Variants in LRP1B observed in about 807,000 individuals in gnomAD.
LRP1B encodes LDL receptor related protein 1B.
In LRP1B, 217 loss-of-function variants were observed where a neutral mutation model predicts 556.6. That is an observed-to-expected ratio of 0.39 (90% CI 0.35 to 0.44). The LOEUF (loss-of-function observed/expected upper bound fraction) is 0.44, where lower values mean the gene tolerates loss of function less well. Among genes scored for constraint, LRP1B ranks in the 20% least tolerant of loss-of-function variants. LRP1B has a pLI of 1.00. For missense variants in LRP1B, 5,053 were observed against 5,620.8 expected (o/e 0.90, Z 3.23); for synonymous variants, 2,047 against 1,865.8 (o/e 1.10, Z -2.50).
rs561566770 is a variant in LRP1B at position 141,792,878 on chromosome 2, A to T, written c.205+17401T>A. Among the ~76,000 whole-genome samples, 16 of 152,148 alleles carry T rather than the reference A, an allele frequency of 1.1e-4. No individual in the cohort carries two copies. In the South Asian group the frequency reaches 3.3e-3, roughly 32 times the overall value. ...AAATAGATCATCAATTATTCCAAAGATTAAGAAAAATATCTTGAAAAAGAA... is the reference window on the plus strand; with the variant it reads ...AAATAGATCATCAATTATTCCAAAGTTTAAGAAAAATATCTTGAAAAAGAA... On this transcript the variant is annotated intron_variant, in intron 2 of 90. Transcript: ENST00000389484.
rs1680112818 is a variant in LRP1B, at chr2:140,541,025, C to A, written c.7461G>T (p.Val2487=). The A allele has an allele frequency of 1.2e-6, 2 of 1,611,764 alleles. No homozygotes were observed. The highest frequency in any genetic ancestry group is 1.7e-6 in the Non-Finnish European group (2 of 1,178,482). Residue 2487 remains valine, a synonymous_variant, in exon 45 of 91, where the codon GTG becomes GTT. Transcript: ENST00000389484. ...TTCGGTCCCCTCTGCAGGAACAATT[C>A]ACTCTCCCATTGGGAGTTAAAAGGC... ...DLCLLTPNGR[V]NCSCRGDRIL... is the part of the protein sequence containing the mutation.
chr2:142,020,877 T>C (rs1703305988), intron 1 of LRP1B, among the ~76,000 whole-genome samples: 1 of 152,204 alleles, frequency 6.6e-6, no homozygotes, highest in Admixed American at 6.5e-5. Context: ...TCAATTTTAC[T>C]TTCTTGCTCT....
At chr2:140,528,686 T>C (rs1690547655) in intron 47 of LRP1B, among the ~76,000 whole-genome samples, 1 of 151,718 alleles carries the variant, frequency 6.6e-6, no homozygotes, top group East Asian at 1.9e-4. Context: ...TGATGAAAGT[T>C]GTTGCAGAGT....
chr2:141,392,182 C>A (rs887576001), intron 3 of LRP1B, among the ~76,000 whole-genome samples: 1 of 152,018 alleles, frequency 6.6e-6, no homozygotes, highest in African/African-American at 2.4e-5. Context: ...TTACTTATTT[C>A]ATTATGTTTA....
chr2:140,475,260 A>G lies in LRP1B; in HGVS notation c.9503T>C (p.Val3168Ala), dbSNP rs1448122091. The G allele has an allele frequency of 6.2e-7, 1 of 1,612,266 alleles. No individual in the cohort carries two copies. Among genetic ancestry groups the G allele is most frequent in the Non-Finnish European group, 8.5e-7 (1 of 1,178,886 alleles). ...AGGTCTAGAAATCTTGGTTTCTATG[A>G]CAACACTCTGATTGGTTCCATCCAT... ...VGMDGTNQSVVIETKISRPMA... is the reference protein window; with the variant it reads ...VGMDGTNQSVAIETKISRPMA... Residue 3168 changes from valine (V) to alanine (A), a missense_variant, in exon 60 of 91, where the codon GTC (valine) becomes GCC (alanine). By Grantham distance (64) the Val-to-Ala change is moderately conservative. Transcript: ENST00000389484.
intron 3 of LRP1B, among the ~76,000 whole-genome samples, chr2:141,263,974 G>T (rs1401508559): frequency 6.6e-6 from 1 of 152,098 alleles, no homozygotes; most frequent in Non-Finnish European, 1.5e-5. Context: ...TAGTAATAGA[G>T]GGGAATTTCT....
At chr2:141,300,589 A>T (rs1019508830) in intron 3 of LRP1B, among the ~76,000 whole-genome samples, 5 of 152,170 alleles carry the variant, frequency 3.3e-5, no homozygotes, top group Non-Finnish European at 7.4e-5. Flanking sequence ...GTGGTTTCTC[A>T]TGGTTTAACA....
At chr2:141,103,535 T>TCTCTCTCTCTCTCTCTC (rs1553460368) in intron 7 of LRP1B, among the ~76,000 whole-genome samples, 3 of 151,882 alleles carry the variant, frequency 2.0e-5, no homozygotes, top group South Asian at 2.1e-4. Context: ...TCTCTCTCTC[T>TCTCTCTCTCTCTCTCTC]TAAAAAGTTC....
At chr2:141,463,629 T>TA (rs1491252273) in intron 3 of LRP1B, among the ~76,000 whole-genome samples, 4 of 107,558 alleles carry the variant, frequency 3.7e-5, no homozygotes, top group African/African-American at 1.7e-4. Context: ...GTATTATATA[T>TA]TATTATATAT....
chr2:141,149,814 G>C (rs773645083), intron 7 of LRP1B, among the ~76,000 whole-genome samples: 6 of 152,138 alleles, frequency 3.9e-5, no homozygotes, highest in South Asian at 2.1e-4. Context: ...CTTAAAAAAA[G>C]AGTTGGGATT....
chr2:141,253,996 G>C (rs959941429), intron 4 of LRP1B, among the ~76,000 whole-genome samples: 1 of 151,942 alleles, frequency 6.6e-6, no homozygotes, highest in Non-Finnish European at 1.5e-5. Flanking sequence ...TTCATGAAGG[G>C]AGTCATTTTG....
chr2:140,290,261 G>A (rs1192034620), intron 84 of LRP1B, among the ~76,000 whole-genome samples: 1 of 152,028 alleles, frequency 6.6e-6, no homozygotes, highest in African/African-American at 2.4e-5. Flanking sequence ...CAGACATTGA[G>A]GGCGTAATGT....
chr2:141,661,105 G>C (rs191308287), intron 2 of LRP1B, among the ~76,000 whole-genome samples: 58 of 152,210 alleles, frequency 3.8e-4, no homozygotes, highest in Non-Finnish European at 8.2e-4. Flanking sequence ...ACTGTTAAAA[G>C]AAACAAACAA....
chr2:141,984,575 A>G (rs951959525), intron 1 of LRP1B, among the ~76,000 whole-genome samples: 4 of 152,106 alleles, frequency 2.6e-5, no homozygotes, highest in African/African-American at 9.7e-5. Flanking sequence ...CTGTGTCCCT[A>G]TTAGATTTTT....
chr2:141,302,941 G>A (rs923617060), intron 3 of LRP1B, among the ~76,000 whole-genome samples: 3 of 151,932 alleles, frequency 2.0e-5, no homozygotes, highest in African/African-American at 4.8e-5. Context: ...ATTGAAGAAG[G>A]ATAAAGAGGA....
chr2:141,578,823 G>A (rs192549548), intron 2 of LRP1B, among the ~76,000 whole-genome samples: 216 of 151,898 alleles, frequency 1.4e-3, no homozygotes, highest in African/African-American at 5.0e-3. Flanking sequence ...TTCTGCGTAT[G>A]TGCAAAATTA....
At chr2:140,330,061 A>G (rs564311695) in intron 79 of LRP1B, among the ~76,000 whole-genome samples, 17 of 151,586 alleles carry the variant, frequency 1.1e-4, no homozygotes, top group African/African-American at 3.1e-4. Context: ...TTAGCTGGGC[A>G]TGGTAGCAGG....
chr2:140,828,566 G>A (rs1025946133), intron 31 of LRP1B, among the ~76,000 whole-genome samples: 69 of 122,528 alleles, frequency 5.6e-4, no homozygotes, highest in African/African-American at 1.8e-3. Flanking sequence ...CCGAGATCGC[G>A]CCACTGCACT....
chr2:141,849,400 C>T lies in LRP1B; in HGVS notation c.83-38999G>A, dbSNP rs576273224. 1.3e-4 allele frequency among the ~76,000 whole-genome samples: 20 copies of T among 151,598 alleles called. No homozygotes were observed. The East Asian group carries it at 3.7e-3, about 28-fold the overall frequency. On this transcript the variant is annotated intron_variant, in intron 1 of 90. Transcript: ENST00000389484. ...CTAGTTTTTCACATCTTAATTATGG[C>T]GTTGACTTCGGCTTAATAGAGATCT...
Sources: allele counts gnomAD v4.1 joint callset (sites outside exome capture counted in the v4.1 genomes callset), GRCh38; gene constraint gnomAD v4.1.1; transcripts MANE v1.5; gene names NCBI Gene and HGNC (gene_info 2026-07-23, HGNC 2026-07-21).